The following HIBCH variants were observed in gnomAD, a reference collection of about 807,000 sequenced individuals.
HIBCH encodes the protein 3-hydroxyisobutyryl-CoA hydrolase.
HIBCH carries 50 observed loss-of-function variants against 58.2 expected under a neutral mutation model. The observed-to-expected ratio is 0.86, with a 90% CI of 0.68 to 1.09. The LOEUF (loss-of-function observed/expected upper bound fraction) is 1.09, where lower values mean the gene tolerates loss of function less well. HIBCH is among the 50% of genes least tolerant of loss of function. The pLI, the probability that HIBCH is intolerant of heterozygous loss-of-function variation, is 0.00. For missense variants in HIBCH, 450 were observed against 449.7 expected (o/e 1.00, Z -0.01); for synonymous variants, 151 against 146.9 (o/e 1.03, Z -0.20).
chr2:190,198,481 A>AACTT (rs1690081429), intron 1 of HIBCH, among the ~76,000 whole-genome samples: 1 of 151,982 alleles, frequency 6.6e-6, no homozygotes, highest in African/African-American at 2.4e-5. Flanking sequence ...TCTCTACAAA[A>AACTT]ACTTAGGTAG....
intron 6 of HIBCH, among the ~76,000 whole-genome samples, chr2:190,268,587 GAC>G (rs958163866): frequency 1.6e-4 from 24 of 152,300 alleles, no homozygotes; most frequent in African/African-American, 5.8e-4. Flanking sequence ...GAAGAAAGCT[GAC>G]ACAGCTCTGT....
intron 2 of HIBCH, among the ~76,000 whole-genome samples, chr2:190,302,238 A>G (rs1688282365): frequency 6.6e-6 from 1 of 152,244 alleles, no homozygotes; most frequent in Admixed American, 6.5e-5. Flanking sequence ...TGAGGGAAAC[A>G]GGAATTTATG....
intron 1 of HIBCH, among the ~76,000 whole-genome samples, chr2:190,312,403 G>C (rs1248124745): frequency 2.0e-5 from 3 of 152,360 alleles, no homozygotes; most frequent in South Asian, 2.1e-4. Context: ...GTCAAAGCTA[G>C]AATCAGTAGC....
At position 190,207,630 on chromosome 2, in the gene HIBCH, C is replaced by G. The variant is rs1195637957; in HGVS notation, c.1045+1250G>C. On this transcript the variant is annotated intron_variant, in intron 13 of 13. Coordinates refer to ENST00000359678, the MANE Select transcript of HIBCH (RefSeq NM_014362.4). The surrounding 1 kb of genome is among the most constrained non-coding windows in gnomAD (Gnocchi z 4.5). ...GCACGGTGGCTCATGCCTGTAATCACAGCACTTTGGGAGTCCAAGGCAGCC... is the reference window on the plus strand; with the variant it reads ...GCACGGTGGCTCATGCCTGTAATCAGAGCACTTTGGGAGTCCAAGGCAGCC... Among the ~76,000 whole-genome samples the G allele has an allele frequency of 1.3e-5, 2 of 152,202 alleles. No individual in the cohort carries two copies. The highest frequency in any genetic ancestry group is 2.9e-5 in the Non-Finnish European group (2 of 68,034).
intron 6 of HIBCH, among the ~76,000 whole-genome samples, chr2:190,270,854 A>G (rs1687376896): frequency 6.6e-6 from 1 of 152,164 alleles, no homozygotes; most frequent in Non-Finnish European, 1.5e-5. Context: ...TAATATGTAT[A>G]TTGATTATAT....
intron 7 of HIBCH, 122 bp from the exon 8 acceptor site, chr2:190,252,429 T>C: frequency 1.2e-6 from 1 of 815,474 alleles, no homozygotes; most frequent in South Asian, 1.5e-5. Context: ...TTACAAACAT[T>C]ATTAAACTAA....
chr2:190,199,143 T>C (rs1396618081), downstream of HIBCH, among the ~76,000 whole-genome samples: 1 of 152,172 alleles, frequency 6.6e-6, no homozygotes, highest in Non-Finnish European at 1.5e-5. Context: ...TGTAGGTTCA[T>C]GAGGTTTGGG....
At chr2:190,194,477 T>C (rs201871725) in intron 1 of HIBCH, among the ~76,000 whole-genome samples, 2,208 of 141,536 alleles carry the variant, frequency 0.016, 91 homozygotes, top group Middle Eastern at 0.029. Context: ...ATCCTGTGTA[T>C]ACACACACAC....
In HIBCH at chr2:190,304,939, T is replaced by A. The variant is rs1169003938; in HGVS notation, c.78+5815A>T. Among the ~76,000 whole-genome samples, 1 of 149,962 alleles carries A rather than the reference T, an allele frequency of 6.7e-6. No homozygotes were observed. Among genetic ancestry groups the A allele is most frequent in the East Asian group, 2.0e-4 (1 of 5,124 alleles). On this transcript the variant is annotated intron_variant, in intron 2 of 13. Coordinates refer to ENST00000359678, the MANE Select transcript of HIBCH (RefSeq NM_014362.4). The surrounding 1 kb of genome is among the most constrained non-coding windows in gnomAD (Gnocchi z 4.1). ...GCTTTAGTAAAAAAAGTGTTAGAATTGAAGCACAAAAAATCCTGGGTTCTA... is the reference window on the plus strand; with the variant it reads ...GCTTTAGTAAAAAAAGTGTTAGAATAGAAGCACAAAAAATCCTGGGTTCTA...
chr2:190,244,798 C>A, intron 11 of HIBCH, 89 bp downstream of exon 11: 1 of 855,496 alleles, frequency 1.2e-6, no homozygotes, highest in Non-Finnish European at 2.1e-6. Flanking sequence ...TATGTCACCA[C>A]CAATGGAGCA....
intron 1 of HIBCH, among the ~76,000 whole-genome samples, chr2:190,312,448 GATAC>G (rs1191163450): frequency 1.3e-5 from 2 of 152,190 alleles, no homozygotes; most frequent in African/African-American, 4.8e-5. Flanking sequence ...CACATGTGCA[GATAC>G]ATATACCAAC....
rs1254869275 is a variant in HIBCH at position 190,211,413 on chromosome 2, A to C, written c.1011+1543T>G. 6.6e-6 allele frequency among the ~76,000 whole-genome samples: 1 copy of C among 152,184 alleles called. No individual in the cohort carries two copies. Among genetic ancestry groups the C allele is most frequent in the Non-Finnish European group, 1.5e-5 (1 of 68,034 alleles). On this transcript the variant is annotated intron_variant, in intron 12 of 13. Transcript: ENST00000359678. This position sits in a 1 kb window ranked among gnomAD's most constrained non-coding sequence, Gnocchi z 5.0. ...ATTTCACACCTGGATCACTGCAGGAAATCTATATCTGGTCTCTAAACCGTT... is the reference window on the plus strand; with the variant it reads ...ATTTCACACCTGGATCACTGCAGGACATCTATATCTGGTCTCTAAACCGTT...
At chr2:190,256,456 A>T (rs1072975) in intron 7 of HIBCH, among the ~76,000 whole-genome samples, 26,615 of 150,876 alleles carry the variant, frequency 0.18, 2,913 homozygotes, top group East Asian at 0.34. Flanking sequence ...AAAAAAAAAA[A>T]AATAATAATA....
At position 190,204,808 on chromosome 2, in the gene HIBCH, A is replaced by G. The variant is rs545251841; in HGVS notation, c.*309T>C. ...AAGGATTGACAAACTTTTTTCTGAC[A>G]AAAACCAGACAGTAAATAATTAGGC... On this transcript the variant is annotated 3_prime_UTR_variant, in exon 14 of 14. Transcript: ENST00000359678. The G allele has an allele frequency of 6.6e-5, 18 of 272,874 alleles. No homozygotes were observed. The highest frequency in any genetic ancestry group is 3.3e-4 in the African/African-American group (15 of 44,846). 16.9% of individuals were successfully genotyped at this position (272,874 alleles called of 1,614,324 possible). A position where few individuals can be genotyped will look rare whatever the true frequency, so the allele number is the denominator to read the frequency against.
chr2:190,284,445 CAGA>C (rs1476626055), intron 6 of HIBCH, among the ~76,000 whole-genome samples: 3 of 152,160 alleles, frequency 2.0e-5, no homozygotes, highest in East Asian at 3.9e-4. Context: ...CCTTTCATAT[CAGA>C]AGGAGTCTTG....
At chr2:190,252,118 G>A in intron 8 of HIBCH, 44 bp downstream of exon 8, 1 of 1,584,736 alleles carries the variant, frequency 6.3e-7, no homozygotes, top group Non-Finnish European at 8.7e-7. Flanking sequence ...ACTATTTTGT[G>A]TTGTTATTCC....
At chr2:190,298,188 C>G (rs1400926963) in intron 2 of HIBCH, among the ~76,000 whole-genome samples, 1 of 152,146 alleles carries the variant, frequency 6.6e-6, no homozygotes, top group East Asian at 1.9e-4. Context: ...CAAGTCTTTG[C>G]TATTGTAAAT....
chr2:190,194,533 C>T (rs987799763), intron 1 of HIBCH, among the ~76,000 whole-genome samples: 3 of 151,388 alleles, frequency 2.0e-5, no homozygotes, highest in Non-Finnish European at 4.4e-5. Context: ...GCATCTCCCA[C>T]TAGACACATC....
chr2:190,259,417 G>A (rs113727678), intron 7 of HIBCH, among the ~76,000 whole-genome samples: 1,898 of 148,032 alleles, frequency 0.013, 21 homozygotes, highest in South Asian at 0.045. Flanking sequence ...ACAGTGCAGT[G>A]GCATGATCTC....
Sources: allele counts gnomAD v4.1 joint callset (sites outside exome capture counted in the v4.1 genomes callset), GRCh38; gene constraint gnomAD v4.1.1; non-coding constraint Gnocchi (gnomAD v3.1); transcripts MANE v1.5; gene names NCBI Gene and HGNC (gene_info 2026-07-23, HGNC 2026-07-21).